The following UBAP1 variants were observed in gnomAD, a reference collection of about 807,000 sequenced individuals.
UBAP1 encodes ubiquitin associated protein 1.
A neutral mutation model predicts 39.0 loss-of-function variants in UBAP1; 5 were observed. The ratio of observed to expected loss-of-function variants is 0.13; its 90% CI spans 0.07 to 0.27. The LOEUF (loss-of-function observed/expected upper bound fraction) is 0.27. UBAP1 is among the 10% of genes least tolerant of loss of function. The pLI, the probability that UBAP1 is intolerant of heterozygous loss-of-function variation, is 1.00. For missense variants in UBAP1, 490 were observed against 608.1 expected (o/e 0.81, Z 2.04); for synonymous variants, 211 against 225.1 (o/e 0.94, Z 0.56).
chr9:34,181,072 A>G (rs1829990889), intron 1 of UBAP1, among the ~76,000 whole-genome samples: 1 of 149,314 alleles, frequency 6.7e-6, no homozygotes, highest in Non-Finnish European at 1.5e-5. Flanking sequence ...GGTCTCCGAA[A>G]GTGCTGGGAT....
At chr9:34,215,766 C>T (rs1326490139) in intron 1 of UBAP1, among the ~76,000 whole-genome samples, 2 of 151,834 alleles carry the variant, frequency 1.3e-5, no homozygotes, top group African/African-American at 4.8e-5. Context: ...CACACACACA[C>T]ACATACATGT....
intron 3 of UBAP1, among the ~76,000 whole-genome samples, chr9:34,240,314 C>G (rs565775755): frequency 4.5e-4 from 68 of 152,276 alleles, no homozygotes; most frequent in African/African-American, 1.4e-3. Context: ...ACCAGGGGCT[C>G]TTTCCTATGT....
rs753594887 is a variant in UBAP1, at chr9:34,241,645, C to T, written c.620C>T (p.Ser207Phe). 2 of 1,613,980 alleles carry T rather than the reference C, an allele frequency of 1.2e-6. No homozygotes were observed. The highest frequency in any genetic ancestry group is 2.2e-5 in the South Asian group (2 of 91,062). ...DNNLPRGGSG[S>F]VLQDEEVLAS... ...AACTTGCCCAGGGGAGGCTCTGGGT[C>T]TGTGTTACAGGATGAGGAGGTCCTG... The change falls in exon 4 of 7, where the codon TCT (serine) becomes TTT (phenylalanine). Residue 207 changes from serine (S) to phenylalanine (F), a missense_variant. Coordinates refer to ENST00000297661, the MANE Select transcript of UBAP1 (RefSeq NM_016525.5).
At chr9:34,207,048 C>CTTTTTTTT (rs34197502) in intron 1 of UBAP1, among the ~76,000 whole-genome samples, 32 of 90,052 alleles carry the variant, frequency 3.6e-4, no homozygotes, top group Non-Finnish European at 4.4e-4. Context: ...ATTGTTATTT[C>CTTTTTTTT]TTTTTTTTTT....
intron 1 of UBAP1, among the ~76,000 whole-genome samples, chr9:34,203,851 T>C (rs1194329240): frequency 6.6e-6 from 1 of 152,188 alleles, no homozygotes; most frequent in African/African-American, 2.4e-5. Context: ...TTTTCAAGTT[T>C]TGTGAACAAG....
At chr9:34,237,550 CCTT>C (rs1484162768) in intron 3 of UBAP1, among the ~76,000 whole-genome samples, 3 of 152,058 alleles carry the variant, frequency 2.0e-5, no homozygotes, top group African/African-American at 7.2e-5. Context: ...ATGAAATTTA[CCTT>C]TTTTTAAAAA....
At chr9:34,184,745 C>T (rs1484062702) in intron 1 of UBAP1, among the ~76,000 whole-genome samples, 1 of 150,888 alleles carries the variant, frequency 6.6e-6, no homozygotes, top group African/African-American at 2.4e-5. Context: ...GCCTCAGCCT[C>T]CTGAGTAGCT....
At chr9:34,224,485 A>C (rs1832942815) in intron 2 of UBAP1, 1 of 390,708 alleles carries the variant, frequency 2.6e-6, no homozygotes, top group African/African-American at 2.1e-5. Context: ...TACCTCCTCA[A>C]ACATGGACTG....
Position 34,252,468 on chromosome 9 carries a change from GCTAA to G in UBAP1, c.*944_*947del, listed in dbSNP as rs10565742. 106,627 of 151,640 alleles carry G rather than the reference GCTAA, an allele frequency of 0.7. 38,069 individuals are homozygous for G. Among genetic ancestry groups the G allele is most frequent in the East Asian group, 0.95 (4,897 of 5,178 alleles). The allele number at this position is 151,640 out of a possible 1,614,324, so 9.4% of individuals were successfully genotyped here. On this transcript the variant is annotated 3_prime_UTR_variant, in exon 7 of 7. Coordinates refer to ENST00000297661, the MANE Select transcript of UBAP1 (RefSeq NM_016525.5). ...TACAGTCTTGAATCTAAAATAATTT[GCTAA>G]CTAACTATTTTGATTCTTCAGAGAG...
At chr9:34,192,979 A>G (rs1024623058) in intron 1 of UBAP1, among the ~76,000 whole-genome samples, 3 of 152,148 alleles carry the variant, frequency 2.0e-5, no homozygotes, top group Non-Finnish European at 2.9e-5. Context: ...AGTACAATCT[A>G]AAATCTTTGC....
chr9:34,228,522 A>C (rs2131596308), intron 2 of UBAP1, among the ~76,000 whole-genome samples: 1 of 151,296 alleles, frequency 6.6e-6, no homozygotes, highest in African/African-American at 2.4e-5. Context: ...CATTAATAGT[A>C]CTTACGGTGG....
At position 34,252,069 on chromosome 9, in the gene UBAP1, C is replaced by CAAAG. The variant is rs1834572906; in HGVS notation, c.*540_*543dup. The CAAAG allele has an allele frequency of 6.5e-6, 1 of 152,794 alleles. No homozygotes were observed. The highest frequency in any genetic ancestry group is 6.5e-5 in the Admixed American group (1 of 15,288). 9.5% of individuals were successfully genotyped at this position (152,794 alleles called of 1,614,324 possible). A position where few individuals can be genotyped will look rare whatever the true frequency, so the allele number is the denominator to read the frequency against. ...CTGGTTCTGCAATATCTCTGAGGTG[C>CAAAG]AAAGAATGCACTTTTCCCTATGGGG... On this transcript the variant is annotated 3_prime_UTR_variant, in exon 7 of 7. Coordinates refer to ENST00000297661, the MANE Select transcript of UBAP1 (RefSeq NM_016525.5).
rs573842209 is a variant in UBAP1, at chr9:34,220,772, G to T, written c.-7-136G>T. On this transcript the variant is annotated intron_variant, in intron 1 of 6. Transcript: ENST00000297661. ...GCCACAGTGCCTGGATCTTTTTTTT[G>T]GACTTTGGGAGTGAGACGTGAGGAT... 243 of 658,170 alleles carry T rather than the reference G, an allele frequency of 3.7e-4. 1 individual carries two copies. Among genetic ancestry groups the T allele is most frequent in the Non-Finnish European group, 7.2e-5 (28 of 388,220 alleles). 40.8% of individuals were successfully genotyped at this position (658,170 alleles called of 1,614,324 possible).
chr9:34,220,862 A>G, intron 1 of UBAP1, 46 bp from the exon 2 acceptor site: 3 of 1,572,478 alleles, frequency 1.9e-6, no homozygotes, highest in South Asian at 2.2e-5. Context: ...TCTTCGTACT[A>G]CCTTCAAGGT....
rs1307748203 is a variant in UBAP1, at chr9:34,241,826, T to C, written c.801T>C (p.Ser267=). ...CAGTAAGCAATATCAAATCCCTGTCTTTCCCCAAACTTGACTCTGATGACA... is the reference window on the plus strand; with the variant it reads ...CAGTAAGCAATATCAAATCCCTGTCCTTCCCCAAACTTGACTCTGATGACA... ...IPAVSNIKSL[S]FPKLDSDDSN... Residue 267 remains serine, a synonymous_variant, in exon 4 of 7, where the codon TCT becomes TCC. Transcript: ENST00000297661. The C allele has an allele frequency of 1.2e-6, 2 of 1,614,110 alleles. No individual in the cohort carries two copies. The highest frequency in any genetic ancestry group is 2.2e-5 in the South Asian group (2 of 91,084).
In UBAP1 at chr9:34,179,050, A is replaced by C; in HGVS notation, c.-198A>C. On this transcript the variant is annotated 5_prime_UTR_variant, in exon 1 of 7. Transcript: ENST00000297661. ...CGGTGAGGGGAAGGAGGAGGGAAGT[A>C]GGACTTCAACATGGCGGCTGCGGCA... The C allele has an allele frequency of 7.9e-7, 1 of 1,269,596 alleles. No homozygotes were observed. The highest frequency in any genetic ancestry group is 4.0e-5 in the Admixed American group (1 of 25,166). 78.6% of individuals were successfully genotyped at this position (1,269,596 alleles called of 1,614,324 possible). A position where few individuals can be genotyped will look rare whatever the true frequency, so the allele number is the denominator to read the frequency against.
chr9:34,181,990 G>A (rs1830065434), intron 1 of UBAP1, among the ~76,000 whole-genome samples: 1 of 148,482 alleles, frequency 6.7e-6, no homozygotes, highest in Admixed American at 6.8e-5. Flanking sequence ...TGTAGAGAAG[G>A]GGTCTCTTAT....
intron 1 of UBAP1, among the ~76,000 whole-genome samples, chr9:34,184,130 C>T (rs1261838524): frequency 1.3e-5 from 2 of 152,002 alleles, no homozygotes; most frequent in Non-Finnish European, 1.5e-5. Flanking sequence ...GAGTAGTGCT[C>T]TTCCAACCTG....
intron 2 of UBAP1, chr9:34,224,352 G>A: frequency 2.2e-6 from 1 of 447,940 alleles, no homozygotes. Context: ...CCAGGGTCTT[G>A]TTATGGACCA....
Sources: gnomAD v4.1 joint callset for allele counts (sites outside exome capture counted in the v4.1 genomes callset) on GRCh38, gnomAD v4.1.1 for gene constraint, MANE v1.5 for transcripts, NCBI Gene and HGNC (gene_info 2026-07-23, HGNC 2026-07-21) for gene names.